The following DNER variants were observed in gnomAD, a reference collection of about 807,000 sequenced individuals.
DNER encodes delta/notch like EGF repeat containing, also known as delta and Notch-like epidermal growth factor-related receptor.
Under a neutral mutation model 78.2 loss-of-function variants are expected in DNER, and 33 were observed. That is an observed-to-expected ratio of 0.42 (90% CI 0.32 to 0.56). The LOEUF is 0.56. Ranked by LOEUF, DNER falls within the 20% of genes least tolerant of loss-of-function variation. DNER has a pLI of 0.11. For synonymous variants in DNER, 417 were observed against 384.8 expected, an observed-to-expected ratio of 1.08 and a Z score of -0.98; for missense variants, 918 against 975.3, an observed-to-expected ratio of 0.94 and a Z score of 0.78.
intron 8 of DNER, among the ~76,000 whole-genome samples, chr2:229,433,068 T>C (rs971620030): frequency 3.3e-5 from 5 of 152,066 alleles, no homozygotes; most frequent in Non-Finnish European, 7.4e-5. Flanking sequence ...GCCTCCTGAG[T>C]AGCTGGGATT....
chr2:229,488,548 G>C (rs2154211635), intron 6 of DNER, among the ~76,000 whole-genome samples: 1 of 152,364 alleles, frequency 6.6e-6, no homozygotes, highest in African/African-American at 2.4e-5. Flanking sequence ...CCATTTTATA[G>C]ATAAGAGAAC....
chr2:229,530,241 T>C (rs993752613), intron 5 of DNER, among the ~76,000 whole-genome samples: 5 of 152,178 alleles, frequency 3.3e-5, no homozygotes, highest in Non-Finnish European at 5.9e-5. Context: ...ACTTCAATGT[T>C]CCCCCAGATT....
intron 1 of DNER, among the ~76,000 whole-genome samples, chr2:229,649,357 T>C (rs992749487): frequency 1.3e-5 from 2 of 152,242 alleles, no homozygotes; most frequent in Admixed American, 6.5e-5. Context: ...AAATATGTTG[T>C]CCTCCATAGA....
In DNER at chr2:229,654,030, A is replaced by G. The variant is rs571749693; in HGVS notation, c.276+60118T>C. Among the ~76,000 whole-genome samples the G allele has an allele frequency of 6.6e-5, 10 of 152,268 alleles. No individual in the cohort carries two copies. The South Asian group carries it at 2.1e-3, about 32-fold the overall frequency. On this transcript the variant is annotated intron_variant, in intron 1 of 12. Coordinates refer to ENST00000341772, the MANE Select transcript of DNER (RefSeq NM_139072.4). ...TATGCACAACGTGCAGGTTTGTTACATATGTGTACATGTGCCATGTTGGTG... is the reference window on the plus strand; with the variant it reads ...TATGCACAACGTGCAGGTTTGTTACGTATGTGTACATGTGCCATGTTGGTG...
At chr2:229,376,343 G>C (rs1216180111) in intron 11 of DNER, among the ~76,000 whole-genome samples, 1 of 152,104 alleles carries the variant, frequency 6.6e-6, no homozygotes, top group Non-Finnish European at 1.5e-5. Flanking sequence ...ACTGCCAGAA[G>C]GCCCTATCTA....
At chr2:229,410,705 C>T (rs1461133912) in intron 9 of DNER, among the ~76,000 whole-genome samples, 1 of 152,146 alleles carries the variant, frequency 6.6e-6, no homozygotes, top group African/African-American at 2.4e-5. Flanking sequence ...ACTTTGATTC[C>T]AACAGCATTC....
intron 7 of DNER, among the ~76,000 whole-genome samples, chr2:229,455,691 T>C (rs971042508): frequency 6.6e-6 from 1 of 151,890 alleles, no homozygotes; most frequent in African/African-American, 2.4e-5. Context: ...GAGGTAGGAG[T>C]GTCCCTGAGA....
At chr2:229,438,820 G>A (rs59303007) in intron 8 of DNER, among the ~76,000 whole-genome samples, 5,301 of 152,176 alleles carry the variant, frequency 0.035, 300 homozygotes, top group African/African-American at 0.12. Flanking sequence ...CAATCTATGC[G>A]TATAACAAAA....
At chr2:229,566,154 A>G (rs1697102327) in intron 4 of DNER, among the ~76,000 whole-genome samples, 1 of 152,164 alleles carries the variant, frequency 6.6e-6, no homozygotes, top group Non-Finnish European at 1.5e-5. Flanking sequence ...GAGTCCGGGA[A>G]TCAGGTCTTC....
intron 9 of DNER, 55 bp from the exon 10 acceptor site, chr2:229,407,400 G>A: frequency 6.5e-7 from 1 of 1,537,714 alleles, no homozygotes; most frequent in Non-Finnish European, 9.0e-7. Context: ...TGGCTCCCAT[G>A]GCCTCTGAAA....
chr2:229,454,125 C>T lies in DNER; in HGVS notation c.1262-6585G>A, dbSNP rs183409344. 2.3e-3 allele frequency among the ~76,000 whole-genome samples: 343 copies of T among 152,248 alleles called. 1 individual carries two copies. Among genetic ancestry groups the T allele is most frequent in the Non-Finnish European group, 4.3e-3 (292 of 68,028 alleles). On this transcript the variant is annotated intron_variant, in intron 7 of 12. Transcript: ENST00000341772. ...CCAAGGCCATTCTAGACCACTTGAC[C>T]TCCATCAGTGTGGCCAGTGACCAGC...
chr2:229,673,344 C>T (rs375545241), intron 1 of DNER, among the ~76,000 whole-genome samples: 4 of 152,274 alleles, frequency 2.6e-5, no homozygotes, highest in African/African-American at 7.2e-5. Flanking sequence ...TGACATCATC[C>T]GCAGCAGTTC....
At position 229,591,545 on chromosome 2, in the gene DNER, CTAATG is replaced by C. The variant is rs780547525; in HGVS notation, c.585+30_585+34del. ...GGAGTCACTTTAAGATTTCTGGTTT[CTAATG>C]TAAAAATGCACATGATATAACGTTC... On this transcript the variant is annotated intron_variant, in intron 2 of 12. Coordinates refer to ENST00000341772, the MANE Select transcript of DNER (RefSeq NM_139072.4). This position sits in a 1 kb window ranked among gnomAD's most constrained non-coding sequence, Gnocchi z 4.6. 4.5e-6 allele frequency: 7 copies of C among 1,571,262 alleles called. No individual in the cohort carries two copies. The highest frequency in any genetic ancestry group is 5.2e-6 in the Non-Finnish European group (6 of 1,158,032).
At chr2:229,607,690 G>A (rs935523698) in intron 1 of DNER, among the ~76,000 whole-genome samples, 2 of 152,090 alleles carry the variant, frequency 1.3e-5, no homozygotes, top group Non-Finnish European at 2.9e-5. Context: ...GATTTGCCAT[G>A]TAGAGAAACT....
At chr2:229,361,380 G>T (rs946671117) in intron 12 of DNER, among the ~76,000 whole-genome samples, 1 of 152,108 alleles carries the variant, frequency 6.6e-6, no homozygotes, top group African/African-American at 2.4e-5. Context: ...GGAAGCTAGA[G>T]AAAATTATAA....
intron 8 of DNER, among the ~76,000 whole-genome samples, chr2:229,426,577 C>A (rs1693884515): frequency 6.6e-6 from 1 of 151,736 alleles, no homozygotes; most frequent in South Asian, 2.1e-4. Context: ...GAATGTGGGA[C>A]AAGATGCATT....
intron 7 of DNER, among the ~76,000 whole-genome samples, chr2:229,474,896 A>G (rs1366499375): frequency 6.6e-6 from 1 of 152,100 alleles, no homozygotes; most frequent in Non-Finnish European, 1.5e-5. Context: ...CCTAGCAGCC[A>G]ACATCTATTT....
rs537212950 is a variant in DNER, at chr2:229,582,703, G to C, written c.847+3155C>G. 8.5e-5 allele frequency among the ~76,000 whole-genome samples: 13 copies of C among 152,190 alleles called. No individual in the cohort carries two copies. In the East Asian group the frequency reaches 2.3e-3, roughly 27 times the overall value. ...TGCCCAGGCTAGAGTGCAGTGGCGT[G>C]ATCTTGGCTCACTGCAAGCTCCGCC... On this transcript the variant is annotated intron_variant, in intron 4 of 12. Coordinates refer to ENST00000341772, the MANE Select transcript of DNER (RefSeq NM_139072.4).
intron 8 of DNER, among the ~76,000 whole-genome samples, chr2:229,418,765 C>A (rs1039766051): frequency 1.3e-5 from 2 of 151,770 alleles, no homozygotes; most frequent in Non-Finnish European, 2.9e-5. Flanking sequence ...ACTAAAAATA[C>A]AAAAAATTAG....
Sources: gnomAD v4.1 joint callset for allele counts (sites outside exome capture counted in the v4.1 genomes callset) on GRCh38, gnomAD v4.1.1 for gene constraint, Gnocchi (gnomAD v3.1) non-coding constraint, MANE v1.5 for transcripts, NCBI Gene and HGNC (gene_info 2026-07-23, HGNC 2026-07-21) for gene names.